ZEB1: variants seen among roughly 807,000 people sequenced by gnomAD.
ZEB1 encodes zinc finger E-box binding homeobox 1, also known as zinc finger E-box-binding homeobox 1.
In ZEB1, 21 loss-of-function variants were observed where a neutral mutation model predicts 84.9. The observed-to-expected ratio is 0.25, with a 90% CI of 0.18 to 0.36. ZEB1 has a LOEUF of 0.36. Among genes scored for constraint, ZEB1 ranks in the 10% least tolerant of loss-of-function variants. The pLI is 1.00. For synonymous variants in ZEB1, 420 were observed against 471.1 expected (o/e 0.89, Z 1.41); for missense variants, 1,104 against 1,330.2 (o/e 0.83, Z 2.65).
chr10:31,439,605 CA>C (rs759851894), intron 1 of ZEB1, among the ~76,000 whole-genome samples: 104 of 141,432 alleles, frequency 7.4e-4, no homozygotes, highest in African/African-American at 2.6e-3. Flanking sequence ...GATAATCAAT[CA>C]ATAAGATATT....
At chr10:31,434,563 C>T (rs932515654) in intron 1 of ZEB1, among the ~76,000 whole-genome samples, 1 of 152,030 alleles carries the variant, frequency 6.6e-6, no homozygotes, top group Non-Finnish European at 1.5e-5. Flanking sequence ...AAACAATTAC[C>T]AAATCATTAA....
In ZEB1 at chr10:31,520,350, G is replaced by T; in HGVS notation, c.1018G>T (p.Glu340Ter). The change falls in exon 7 of 9, where the codon GAA (glutamate) becomes TAA (stop). Residue 340 changes from glutamate (E) to a stop codon, truncating the protein, a stop_gained. Transcript: ENST00000424869. LOFTEE classifies it high-confidence loss of function. This position sits in a 1 kb window ranked among gnomAD's most constrained non-coding sequence, Gnocchi z 5.1. The stretch of plus-strand genomic sequence containing the variant: ...AAAGATAGAGAATAAACCCCTTCAA[G>T]AACAACTTTCTGTTAACCAAATTAA... ...RQKIENKPLQ[E>*]QLSVNQIKTE... The T allele has an allele frequency of 6.2e-7, 1 of 1,613,874 alleles. No individual in the cohort carries two copies. The highest frequency in any genetic ancestry group is 8.5e-7 in the Non-Finnish European group (1 of 1,179,910).
rs773566287 is a variant in ZEB1, at chr10:31,510,839, A to G, written c.651A>G (p.Glu217=). Residue 217 remains glutamate (E), a synonymous_variant, in exon 5 of 9, where the codon GAA becomes GAG. Coordinates refer to ENST00000424869, the MANE Select transcript of ZEB1 (RefSeq NM_001174096.2). The part of the protein sequence containing the change: ...SYTFAYRTQL[E]RHMTSHKSGR... ...CCTTTGCATACAGAACCCAACTTGAACGTCACATGACATCACATAAATCAG... is the reference window on the plus strand; with the variant it reads ...CCTTTGCATACAGAACCCAACTTGAGCGTCACATGACATCACATAAATCAG... The G allele has an allele frequency of 1.2e-6, 2 of 1,613,950 alleles. No individual in the cohort carries two copies. Among genetic ancestry groups the G allele is most frequent in the Non-Finnish European group, 8.5e-7 (1 of 1,179,888 alleles).
chr10:31,423,179 A>T (rs1237451832), intron 1 of ZEB1, among the ~76,000 whole-genome samples: 1 of 152,110 alleles, frequency 6.6e-6, no homozygotes, highest in Admixed American at 6.6e-5. Flanking sequence ...CAATGCCTAC[A>T]TTTCAGAAAT....
At chr10:31,337,356 T>G (rs2038346398) in intron 1 of ZEB1, among the ~76,000 whole-genome samples, 1 of 152,018 alleles carries the variant, frequency 6.6e-6, no homozygotes, top group Admixed American at 6.6e-5. Context: ...TAATGTGTGT[T>G]TAAAAAAAAA....
At chr10:31,404,862 A>G (rs910045690) in intron 1 of ZEB1, among the ~76,000 whole-genome samples, 37 of 152,240 alleles carry the variant, frequency 2.4e-4, no homozygotes, top group South Asian at 6.2e-4. Flanking sequence ...AGGAGACTGG[A>G]CTGGGTGATG....
At chr10:31,383,631 C>G (rs987862532) in intron 1 of ZEB1, among the ~76,000 whole-genome samples, 3 of 152,104 alleles carry the variant, frequency 2.0e-5, no homozygotes, top group African/African-American at 7.2e-5. Context: ...AGCCACCAGC[C>G]TGATGTGCAA....
At chr10:31,320,020 C>G (rs1259581476) in intron 1 of ZEB1, 2 of 151,160 alleles carry the variant, frequency 1.3e-5, no homozygotes. Context: ...TTGGGACCCG[C>G]GGGCCGGGCG....
chr10:31,517,359 C>T (rs2071343452), intron 6 of ZEB1, among the ~76,000 whole-genome samples: 1 of 151,956 alleles, frequency 6.6e-6, no homozygotes, highest in African/African-American at 2.4e-5. Flanking sequence ...GAAAAGGCTA[C>T]CAGACCTCCA....
chr10:31,331,081 C>CTTTTTTTTTTTTTTTTTTT (rs548615284), intron 1 of ZEB1, among the ~76,000 whole-genome samples: 41 of 77,846 alleles, frequency 5.3e-4, no homozygotes, highest in African/African-American at 1.7e-3. Context: ...TTCTTTCTTT[C>CTTTTTTTTTTTTTTTTTTT]TTTTTTTTTT....
At chr10:31,355,193 G>A (rs2041923854) in intron 1 of ZEB1, 2 of 152,056 alleles carry the variant, frequency 1.3e-5, no homozygotes, top group Non-Finnish European at 2.9e-5. Flanking sequence ...TCTTATTAAG[G>A]TAAAGAATCT....
rs1481478053 is a variant in ZEB1 at position 31,445,650 on chromosome 10, T to C, written c.59-15387T>C. On this transcript the variant is annotated intron_variant, in intron 1 of 8. Transcript: ENST00000424869. ...AGTGTTGTTGAATTTTGTCAAAGGCTTTTTCTGCATCTATTGAGATAATCA... is the reference window on the plus strand; with the variant it reads ...AGTGTTGTTGAATTTTGTCAAAGGCCTTTTCTGCATCTATTGAGATAATCA... 9.9e-5 allele frequency among the ~76,000 whole-genome samples: 15 copies of C among 150,978 alleles called. No homozygotes were observed. In the East Asian group the frequency reaches 1.8e-3, roughly 18 times the overall value.
Position 31,381,253 on chromosome 10 carries a change from A to G in ZEB1, c.58+61961A>G, listed in dbSNP as rs74127721. Among the ~76,000 whole-genome samples, 752 of 152,308 alleles carry G rather than the reference A, an allele frequency of 4.9e-3. 5 individuals carry two copies. The highest frequency in any genetic ancestry group is 0.017 in the African/African-American group (718 of 41,568). On this transcript the variant is annotated intron_variant, in intron 1 of 8. Transcript: ENST00000424869. ...TAATTATCTAGAAAAATCTACAGCA[A>G]TCAGCTCTAAAATGATTTATTAAAT... is the stretch of plus-strand genomic sequence containing the variant.
chr10:31,367,639 A>T (rs1397535966), intron 1 of ZEB1, among the ~76,000 whole-genome samples: 1 of 152,246 alleles, frequency 6.6e-6, no homozygotes, highest in Non-Finnish European at 1.5e-5. Context: ...TCAAGAATCC[A>T]TGAAAAGGAT....
chr10:31,326,885 C>T (rs1564468588), intron 1 of ZEB1, among the ~76,000 whole-genome samples: 1 of 152,108 alleles, frequency 6.6e-6, no homozygotes, highest in Non-Finnish European at 1.5e-5. Flanking sequence ...GAGGCATCCT[C>T]TCATTTGGAT....
intron 1 of ZEB1, among the ~76,000 whole-genome samples, chr10:31,400,565 G>A (rs1437211933): frequency 6.6e-6 from 1 of 152,070 alleles, no homozygotes; most frequent in East Asian, 1.9e-4. Flanking sequence ...AGTATGCTAT[G>A]ATGTGAATAC....
At chr10:31,341,932 T>G (rs185052268) in intron 1 of ZEB1, among the ~76,000 whole-genome samples, 1 of 152,332 alleles carries the variant, frequency 6.6e-6, no homozygotes, top group Non-Finnish European at 1.5e-5. Flanking sequence ...GGATTGAGGT[T>G]TTACCAGATG....
At chr10:31,390,799 C>A (rs2049507397) in intron 1 of ZEB1, among the ~76,000 whole-genome samples, 1 of 152,188 alleles carries the variant, frequency 6.6e-6, no homozygotes, top group Non-Finnish European at 1.5e-5. Context: ...ACCATTGGAT[C>A]CTGACCAGTT....
At chr10:31,490,364 T>C (rs538991631) in intron 2 of ZEB1, among the ~76,000 whole-genome samples, 1 of 151,802 alleles carries the variant, frequency 6.6e-6, no homozygotes, top group East Asian at 1.9e-4. Flanking sequence ...TGAGACTCTT[T>C]ATTTTTTAAT....
Sources: gnomAD v4.1 joint callset for allele counts (sites outside exome capture counted in the v4.1 genomes callset) on GRCh38, gnomAD v4.1.1 for gene constraint, Gnocchi (gnomAD v3.1) non-coding constraint, MANE v1.5 for transcripts, NCBI Gene and HGNC (gene_info 2026-07-23, HGNC 2026-07-21) for gene names.